SYTL1: variants seen among roughly 807,000 people sequenced by gnomAD.
SYTL1 encodes the protein synaptotagmin like 1.
SYTL1 carries 53 observed loss-of-function variants against 74.6 expected under a neutral mutation model. The ratio of observed to expected loss-of-function variants is 0.71; its 90% CI spans 0.57 to 0.89. The LOEUF (loss-of-function observed/expected upper bound fraction) is 0.89. Among genes scored for constraint, SYTL1 ranks in the 40% least tolerant of loss-of-function variants. SYTL1 has a pLI of 0.00. For synonymous variants in SYTL1, 329 were observed against 324.9 expected (o/e 1.01, Z -0.14); for missense variants, 728 against 768.7 (o/e 0.95, Z 0.63).
chr1:27,350,489 A>C lies in SYTL1; in HGVS notation c.1005+4A>C. ...GGTTTTCAACGAGACTCTCCGGGTG[A>C]GGCTGTGACCACGATGCGGTTCCCC... is the stretch of plus-strand genomic sequence containing the variant. On this transcript the variant is annotated splice_donor_region_variant and intron_variant, in intron 10 of 14. Transcript: ENST00000616558. The surrounding 1 kb of genome is among the most constrained non-coding windows in gnomAD (Gnocchi z 6.3). 1.2e-6 allele frequency: 2 copies of C among 1,610,570 alleles called. No individual in the cohort carries two copies. Among genetic ancestry groups the C allele is most frequent in the Non-Finnish European group, 1.7e-6 (2 of 1,177,762 alleles).
At position 27,347,656 on chromosome 1, in the gene SYTL1, T is replaced by C; in HGVS notation, c.340+87T>C. On this transcript the variant is annotated intron_variant, in intron 3 of 14. Coordinates refer to ENST00000616558, the MANE Select transcript of SYTL1 (RefSeq NM_001193308.2). This position sits in a 1 kb window ranked among gnomAD's most constrained non-coding sequence, Gnocchi z 4.9. ...GACAGGGAGAGAGGACCACTAGGGC[T>C]CCAGTCCTGGCTGCCCCCAGTACTG... 6.9e-7 allele frequency: 1 copy of C among 1,449,390 alleles called. No individual in the cohort carries two copies. Among genetic ancestry groups the C allele is most frequent in the Non-Finnish European group, 9.3e-7 (1 of 1,079,004 alleles). 89.8% of individuals were successfully genotyped at this position (1,449,390 alleles called of 1,614,324 possible).
Position 27,353,919 on chromosome 1 carries a change from T to C in SYTL1, c.*67T>C. On this transcript the variant is annotated 3_prime_UTR_variant, in exon 15 of 15. Coordinates refer to ENST00000616558, the MANE Select transcript of SYTL1 (RefSeq NM_001193308.2). ...GCCCTTGGCTAAAGTCAATAAAGTC[T>C]ATTCTAAGAGCAATAAAAGGCTGGT... is the stretch of plus-strand genomic sequence containing the variant. 1 of 1,456,052 alleles carries C rather than the reference T, an allele frequency of 6.9e-7. No individual in the cohort carries two copies. Among genetic ancestry groups the C allele is most frequent in the East Asian group, 2.3e-5 (1 of 43,770 alleles). 90.2% of individuals were successfully genotyped at this position (1,456,052 alleles called of 1,614,324 possible).
rs548443530 is a variant in SYTL1, at chr1:27,351,200, A to G, written c.1165-58A>G. ...CACCCCATCCGGGTCTGCAGACCCC[A>G]CCCTCCTGAGGCCCCTTTCCATTAG... On this transcript the variant is annotated intron_variant, in intron 11 of 14. Coordinates refer to ENST00000616558, the MANE Select transcript of SYTL1 (RefSeq NM_001193308.2). This position sits in a 1 kb window ranked among gnomAD's most constrained non-coding sequence, Gnocchi z 5.0. 156 of 1,535,278 alleles carry G rather than the reference A, an allele frequency of 1.0e-4. 1 individual carries two copies. In the Admixed American group the frequency reaches 1.6e-3, roughly 15 times the overall value.
rs2014797718 is a variant in SYTL1, at chr1:27,342,146, T to TA, written c.-42dup. 6.4e-6 allele frequency: 1 copy of TA among 157,018 alleles called. No homozygotes were observed. The highest frequency in any genetic ancestry group is 1.4e-5 in the Non-Finnish European group (1 of 72,458). 9.7% of individuals were successfully genotyped at this position (157,018 alleles called of 1,614,324 possible). On this transcript the variant is annotated 5_prime_UTR_variant, in exon 1 of 15. Transcript: ENST00000616558. The surrounding 1 kb of genome is among the most constrained non-coding windows in gnomAD (Gnocchi z 4.7). ...AAGGTGTCCTCCCATACTGGACCCC[T>TA]ACAGGTAACACGTGTCGGTGCCAGG...
rs1324872007 is a variant in SYTL1, at chr1:27,350,229, C to A, written c.908+97C>A. ...CTCGTCCTCATCTTCAAAATGGGAACAACAGCGTTATTGGGAGGCGTGCGA... is the reference window on the plus strand; with the variant it reads ...CTCGTCCTCATCTTCAAAATGGGAAAAACAGCGTTATTGGGAGGCGTGCGA... On this transcript the variant is annotated intron_variant, in intron 9 of 14. Coordinates refer to ENST00000616558, the MANE Select transcript of SYTL1 (RefSeq NM_001193308.2). This position sits in a 1 kb window ranked among gnomAD's most constrained non-coding sequence, Gnocchi z 6.3. 6.7e-7 allele frequency: 1 copy of A among 1,486,912 alleles called. No homozygotes were observed. 92.1% of individuals were successfully genotyped at this position (1,486,912 alleles called of 1,614,324 possible).
At chr1:27,349,220 C>T (rs2015131451) in intron 6 of SYTL1, 68 bp downstream of exon 6, 1 of 1,558,674 alleles carries the variant, frequency 6.4e-7, no homozygotes, top group South Asian at 1.1e-5. Context: ...TAAGGGGCCC[C>T]AACCACCTGT....
chr1:27,347,717 T>TGGCCCCTCGGGGGGCTG lies in SYTL1; in HGVS notation c.341-89_341-88insCCCCTCGGGGGGCTGGG. 1.2e-6 allele frequency: 1 copy of TGGCCCCTCGGGGGGCTG among 819,406 alleles called. No homozygotes were observed. The highest frequency in any genetic ancestry group is 1.8e-6 in the Non-Finnish European group (1 of 542,518). The allele number at this position is 819,406 out of a possible 1,614,324, so 50.8% of individuals were successfully genotyped here. A position where few individuals can be genotyped will look rare whatever the true frequency, so the allele number is the denominator to read the frequency against. ...AGTGGGCAATGCCCCTCCGTGGGCA[T>TGGCCCCTCGGGGGGCTG]GGGGTGGGTGGGTATCTCCCAGGGC... On this transcript the variant is annotated intron_variant, in intron 3 of 14. Transcript: ENST00000616558. The surrounding 1 kb of genome is among the most constrained non-coding windows in gnomAD (Gnocchi z 4.9).
chr1:27,344,647 C>T (rs1321003919), intron 1 of SYTL1, among the ~76,000 whole-genome samples: 10 of 150,186 alleles, frequency 6.7e-5, no homozygotes, highest in Non-Finnish European at 1.3e-4. Context: ...GTCAGGAGTT[C>T]GAGGCCAGCC....
rs2015291054 is a variant in SYTL1, at chr1:27,351,859, T to C, written c.1343+304T>C. On this transcript the variant is annotated intron_variant, in intron 13 of 14. Coordinates refer to ENST00000616558, the MANE Select transcript of SYTL1 (RefSeq NM_001193308.2). The surrounding 1 kb of genome is among the most constrained non-coding windows in gnomAD (Gnocchi z 5.0). The stretch of plus-strand genomic sequence containing the variant: ...GTGGGGCTTGGCTGGGAACTTATAG[T>C]TCAGTGTAAGCTTCTAGGGGACTTC... 1 of 323,416 alleles carries C rather than the reference T, an allele frequency of 3.1e-6. No homozygotes were observed. The highest frequency in any genetic ancestry group is 2.2e-5 in the African/African-American group (1 of 46,194). 20.0% of individuals were successfully genotyped at this position (323,416 alleles called of 1,614,324 possible).
In SYTL1 at chr1:27,349,172, G is replaced by T. The variant is rs1457906255; in HGVS notation, c.532+20G>T. ...AGGAAGGTGAGTGGGAGCGCCTGTT[G>T]GGGAGCACGGAGAGGTTTCGCGGGT... On this transcript the variant is annotated intron_variant, in intron 6 of 14. Transcript: ENST00000616558. 1 of 1,611,008 alleles carries T rather than the reference G, an allele frequency of 6.2e-7. No individual in the cohort carries two copies. The highest frequency in any genetic ancestry group is 8.5e-7 in the Non-Finnish European group (1 of 1,177,432).
rs1349082277 is a variant in SYTL1, at chr1:27,342,714, G to C, written c.-39+564G>C. 6.6e-6 allele frequency among the ~76,000 whole-genome samples: 1 copy of C among 152,150 alleles called. No homozygotes were observed. The highest frequency in any genetic ancestry group is 1.5e-5 in the Non-Finnish European group (1 of 68,030). On this transcript the variant is annotated intron_variant, in intron 1 of 14. Transcript: ENST00000616558. The surrounding 1 kb of genome is among the most constrained non-coding windows in gnomAD (Gnocchi z 4.7). ...ACCATGCAGCATCACACTGCAACAG[G>C]ACACAAAGACACACAGCAACTACAC...
rs1310989762 is a variant in SYTL1 at position 27,345,674 on chromosome 1, A to T, written c.191+149A>T. ...TCTGGCCTTGGCCAGCTCACAGCTC[A>T]TCACTTCTCCAGGGGTGACTGCACC... On this transcript the variant is annotated intron_variant, in intron 2 of 14. Transcript: ENST00000616558. The surrounding 1 kb of genome is among the most constrained non-coding windows in gnomAD (Gnocchi z 6.0). The T allele has an allele frequency of 1.8e-6, 1 of 553,834 alleles. No individual in the cohort carries two copies. The allele number at this position is 553,834 out of a possible 1,614,324, so 34.3% of individuals were successfully genotyped here. A position where few individuals can be genotyped will look rare whatever the true frequency, so the allele number is the denominator to read the frequency against.
intron 6 of SYTL1, 86 bp downstream of exon 6, chr1:27,349,238 C>A: frequency 6.6e-7 from 1 of 1,516,598 alleles, no homozygotes. Context: ...TGTGTTCACC[C>A]TCGTCACCCC....
intron 6 of SYTL1, 40 bp downstream of exon 6, chr1:27,349,192 G>A (rs1331348639): frequency 1.2e-5 from 19 of 1,598,316 alleles, no homozygotes; most frequent in Non-Finnish European, 1.3e-5. Flanking sequence ...GAGAGGTTTC[G>A]CGGGTCAGAG....
rs2015185112 is a variant in SYTL1, at chr1:27,349,998, A to C, written c.774A>C (p.Ser258=). The C allele has an allele frequency of 4.5e-6, 7 of 1,568,194 alleles. No homozygotes were observed. In the African/African-American group the frequency reaches 9.6e-5, roughly 21 times the overall value. The change falls in exon 9 of 15, where the codon TCA becomes TCC. Residue 258 remains serine (S), a synonymous_variant. Transcript: ENST00000616558. ...STLSGSQMSL[S]GDAEAVQVRG... is the part of the protein sequence containing the mutation. ...TGAGCGGCAGCCAGATGAGCCTGTC[A>C]GGCGACGCGGAGGCGGTGCAGGTCC... is the stretch of plus-strand genomic sequence containing the variant.
In SYTL1 at chr1:27,347,683, G is replaced by A; in HGVS notation, c.340+114G>A. On this transcript the variant is annotated intron_variant, in intron 3 of 14. Transcript: ENST00000616558. The surrounding 1 kb of genome is among the most constrained non-coding windows in gnomAD (Gnocchi z 4.9). ...CAGTCCTGGCTGCCCCCAGTACTGT[G>A]TGTCTTTCAGTGGGCAATGCCCCTC... is the stretch of plus-strand genomic sequence containing the variant. 6.8e-7 allele frequency: 1 copy of A among 1,462,086 alleles called. No homozygotes were observed. Among genetic ancestry groups the A allele is most frequent in the Non-Finnish European group, 9.3e-7 (1 of 1,073,276 alleles). The allele number at this position is 1,462,086 out of a possible 1,614,324, so 90.6% of individuals were successfully genotyped here.
rs1262745835 is a variant in SYTL1 at position 27,345,071 on chromosome 1, G to A, written c.-38-226G>A. ...CAGTCCTGTGTGGCCCTACCTCAGG[G>A]TGTGTGCATGTGTGTCTCTTGCTTC... On this transcript the variant is annotated intron_variant, in intron 1 of 14. Coordinates refer to ENST00000616558, the MANE Select transcript of SYTL1 (RefSeq NM_001193308.2). This position sits in a 1 kb window ranked among gnomAD's most constrained non-coding sequence, Gnocchi z 6.0. 1 of 309,028 alleles carries A rather than the reference G, an allele frequency of 3.2e-6. No individual in the cohort carries two copies. The highest frequency in any genetic ancestry group is 2.2e-5 in the African/African-American group (1 of 46,332). 19.1% of individuals were successfully genotyped at this position (309,028 alleles called of 1,614,324 possible).
Position 27,351,129 on chromosome 1 carries a change from G to GT in SYTL1, c.1165-129_1165-128insT, listed in dbSNP as rs2015252260. The GT allele has an allele frequency of 7.5e-7, 1 of 1,332,994 alleles. No individual in the cohort carries two copies. Among genetic ancestry groups the GT allele is most frequent in the Non-Finnish European group, 1.0e-6 (1 of 979,806 alleles). The allele number at this position is 1,332,994 out of a possible 1,614,324, so 82.6% of individuals were successfully genotyped here. A position where few individuals can be genotyped will look rare whatever the true frequency, so the allele number is the denominator to read the frequency against. ...ACGGCCCCTTCCCCGAGGGCGCTAGGACCCCTAGGTTCTGCCCCTGCAGGC... is the reference window on the plus strand; with the variant it reads ...ACGGCCCCTTCCCCGAGGGCGCTAGGTACCCCTAGGTTCTGCCCCTGCAGGC... On this transcript the variant is annotated intron_variant, in intron 11 of 14. Transcript: ENST00000616558. The surrounding 1 kb of genome is among the most constrained non-coding windows in gnomAD (Gnocchi z 5.0).
rs2015164971 is a variant in SYTL1, at chr1:27,349,719, G to C, written c.701G>C (p.Arg234Pro). 2 of 1,609,872 alleles carry C rather than the reference G, an allele frequency of 1.2e-6. No individual in the cohort carries two copies. ...EAPGPDPSLD[R>P]MLSSSSSVSS... ...CCGGGGCCCGACCCCTCTCTCGACC[G>C]CATGCTCAGCAGCAGCTCCTCGGTG... Residue 234 changes from arginine (R) to proline (P), a missense_variant, in exon 8 of 15, where the codon CGC becomes CCC. By Grantham distance (103) the Arg-to-Pro change is moderately radical (BLOSUM62 -2). Transcript: ENST00000616558.
Sources: allele counts gnomAD v4.1 joint callset (sites outside exome capture counted in the v4.1 genomes callset), GRCh38; gene constraint gnomAD v4.1.1; non-coding constraint Gnocchi (gnomAD v3.1); transcripts MANE v1.5; gene names NCBI Gene and HGNC (gene_info 2026-07-23, HGNC 2026-07-21).